NRDC: variants seen among roughly 807,000 people sequenced by gnomAD.
NRDC encodes nardilysin.
A neutral mutation model predicts 147.1 loss-of-function variants in NRDC; 54 were observed. That is an observed-to-expected ratio of 0.37 (90% CI 0.29 to 0.46). The LOEUF is 0.46. Ranked by LOEUF, NRDC falls within the 20% of genes least tolerant of loss-of-function variation. NRDC has a pLI of 1.00. For missense variants in NRDC, 1,082 were observed against 1,370.6 expected, an observed-to-expected ratio of 0.79 and a Z score of 3.33; for synonymous variants, 440 against 482.1, an observed-to-expected ratio of 0.91 and a Z score of 1.14.
intron 1 of NRDC, among the ~76,000 whole-genome samples, chr1:51,874,557 C>T (rs1199590850): frequency 6.6e-6 from 1 of 150,988 alleles, no homozygotes; most frequent in Non-Finnish European, 1.5e-5. Flanking sequence ...TGCAGTGAGC[C>T]GTGATGGCGC....
intron 1 of NRDC, among the ~76,000 whole-genome samples, chr1:51,864,393 C>A (rs1046663732): frequency 2.6e-5 from 4 of 152,146 alleles, no homozygotes; most frequent in Non-Finnish European, 4.4e-5. Flanking sequence ...TTCCATCATT[C>A]TTACTAGTAG....
chr1:51,816,236 T>C, intron 11 of NRDC, 76 bp downstream of exon 11: 1 of 774,944 alleles, frequency 1.3e-6, no homozygotes, highest in Non-Finnish European at 1.9e-6. Flanking sequence ...AGTAAAAGAA[T>C]GCATTATATA....
intron 26 of NRDC, 94 bp downstream of exon 26, chr1:51,791,952 C>T: frequency 7.6e-7 from 1 of 1,313,886 alleles, no homozygotes; most frequent in Non-Finnish European, 1.1e-6. Flanking sequence ...GAAGGAAGCT[C>T]TAACAGGCTG....
At chr1:51,825,143 G>C in intron 6 of NRDC, 144 bp downstream of exon 6, 1 of 606,208 alleles carries the variant, frequency 1.6e-6, no homozygotes, top group Non-Finnish European at 2.9e-6. Context: ...TAACAACTTC[G>C]CGTTTGAAAG....
intron 5 of NRDC, among the ~76,000 whole-genome samples, chr1:51,825,629 G>A (rs1023264717): frequency 5.9e-5 from 9 of 152,148 alleles, no homozygotes; most frequent in Admixed American, 5.2e-4. Context: ...GAAACACAAG[G>A]TAGTTAATAA....
Position 51,819,834 on chromosome 1 carries a change from T to A in NRDC, c.1257A>T (p.Pro419=). The change falls in exon 9 of 31, where the codon CCA becomes CCT. Residue 419 remains proline (P), a synonymous_variant. Transcript: ENST00000352171. The part of the protein sequence containing the change: ...PRPNFGHLTD[P]FDTPAFNKLY... ...GTTTGTTAAATGCTGGTGTGTCAAATGGATCCGTTAAATGGCCAAAGTTTG... is the reference window on the plus strand; with the variant it reads ...GTTTGTTAAATGCTGGTGTGTCAAAAGGATCCGTTAAATGGCCAAAGTTTG... The A allele has an allele frequency of 6.2e-7, 1 of 1,608,302 alleles. No individual in the cohort carries two copies. The highest frequency in any genetic ancestry group is 8.5e-7 in the Non-Finnish European group (1 of 1,177,114).
At chr1:51,854,367 C>T (rs1682134634) in intron 1 of NRDC, among the ~76,000 whole-genome samples, 1 of 151,966 alleles carries the variant, frequency 6.6e-6, no homozygotes, top group Non-Finnish European at 1.5e-5. Context: ...GATGCCATCT[C>T]AAAAAAATAA....
At chr1:51,811,259 T>A (rs1185294953) in intron 15 of NRDC, among the ~76,000 whole-genome samples, 1 of 152,244 alleles carries the variant, frequency 6.6e-6, no homozygotes, top group African/African-American at 2.4e-5. Context: ...GAATGCCCTA[T>A]AATTTCTTAA....
At chr1:51,808,744 A>G (rs1679579076) in intron 17 of NRDC, among the ~76,000 whole-genome samples, 1 of 152,156 alleles carries the variant, frequency 6.6e-6, no homozygotes. Context: ...GCTTTCAATG[A>G]TTTTTTTCTG....
At chr1:51,800,796 T>C in intron 20 of NRDC, 113 bp from the exon 21 acceptor site, 3 of 1,008,458 alleles carry the variant, frequency 3.0e-6, no homozygotes, top group Non-Finnish European at 4.4e-6. Flanking sequence ...CTAGGCATTG[T>C]GGGGGGACAT....
intron 29 of NRDC, 48 bp downstream of exon 29, chr1:51,790,485 C>T (rs1231666098): frequency 1.7e-6 from 2 of 1,195,308 alleles, no homozygotes; most frequent in East Asian, 2.3e-5. Flanking sequence ...CCTGTAGAAT[C>T]AGGAACCTTG....
At chr1:51,848,236 G>A (rs1441139536) in intron 1 of NRDC, among the ~76,000 whole-genome samples, 2 of 152,208 alleles carry the variant, frequency 1.3e-5, no homozygotes, top group Admixed American at 6.5e-5. Flanking sequence ...AGCACTTTGA[G>A]AGGCCAAGGC....
Position 51,789,433 on chromosome 1 carries a change from C to T in NRDC, c.3259G>A (p.Val1087Ile). ...GPGSKMLSVH[V>I]VGYGKYELEE... ...AGTTCATACTTCCCATATCCAACAA[C>T]CTGAAAGAGGACAAAGACAAAAGTG... Residue 1087 changes from valine to isoleucine, a missense_variant and splice_region_variant, in exon 31 of 31, where the codon GTT becomes ATT. By Grantham distance (29) the Val-to-Ile change is conservative (BLOSUM62 3). Coordinates refer to ENST00000352171, the MANE Select transcript of NRDC (RefSeq NM_001101662.2). The T allele has an allele frequency of 6.2e-7, 1 of 1,613,976 alleles. No individual in the cohort carries two copies. The highest frequency in any genetic ancestry group is 8.5e-7 in the Non-Finnish European group (1 of 1,179,904).
At chr1:51,800,270 G>A (rs1288006088) in intron 21 of NRDC, among the ~76,000 whole-genome samples, 1 of 152,156 alleles carries the variant, frequency 6.6e-6, no homozygotes, top group Non-Finnish European at 1.5e-5. Flanking sequence ...ACCATGCCCG[G>A]CCTAAAACTA....
chr1:51,837,744 A>C, intron 2 of NRDC: 1 of 667,292 alleles, frequency 1.5e-6, no homozygotes, highest in Non-Finnish European at 2.1e-6. Flanking sequence ...TCATATTCAA[A>C]TTTCAACCTT....
chr1:51,829,981 T>G (rs77303261), intron 4 of NRDC, among the ~76,000 whole-genome samples: 1 of 149,426 alleles, frequency 6.7e-6, no homozygotes, highest in Non-Finnish European at 1.5e-5. Flanking sequence ...TTTTTTTTTT[T>G]TGTGACAGAG....
intron 13 of NRDC, 187 bp from the exon 14 acceptor site, chr1:51,814,276 T>C (rs1679857453): frequency 1.7e-6 from 1 of 586,852 alleles, no homozygotes; most frequent in Non-Finnish European, 3.0e-6. Context: ...AACCTGCACA[T>C]ATACCCCTGA....
At position 51,792,398 on chromosome 1, in the gene NRDC, A is replaced by G. The variant is rs755273839; in HGVS notation, c.2802T>C (p.Tyr934=). 3.1e-6 allele frequency: 5 copies of G among 1,614,124 alleles called. No individual in the cohort carries two copies. Among genetic ancestry groups the G allele is most frequent in the Non-Finnish European group, 4.2e-6 (5 of 1,179,978 alleles). ...TTACCACAAGCAGCTCCATAAGCGT[A>G]TATTCTCTTAGACTCCTGGTACCTG... ...YQSGTRSLRE[Y]TLMELLVMHM... is the part of the protein sequence containing the mutation. The change falls in exon 25 of 31, where the codon TAT becomes TAC. Residue 934 remains tyrosine (Y), a synonymous_variant. Coordinates refer to ENST00000352171, the MANE Select transcript of NRDC (RefSeq NM_001101662.2).
At chr1:51,839,204 G>A (rs1281367619) in intron 2 of NRDC, among the ~76,000 whole-genome samples, 1 of 139,946 alleles carries the variant, frequency 7.1e-6, no homozygotes, top group Non-Finnish European at 1.5e-5. Context: ...CTGTTGGCCA[G>A]GGTGGAGTGC....
Sources: gnomAD v4.1 joint callset for allele counts (sites outside exome capture counted in the v4.1 genomes callset) on GRCh38, gnomAD v4.1.1 for gene constraint, MANE v1.5 for transcripts, NCBI Gene and HGNC (gene_info 2026-07-23, HGNC 2026-07-21) for gene names.